ERGIC1: variants seen among roughly 807,000 people sequenced by gnomAD.
ERGIC1 encodes the protein endoplasmic reticulum-Golgi intermediate compartment protein 1.
A neutral mutation model predicts 38.3 loss-of-function variants in ERGIC1; 19 were observed. The ratio of observed to expected loss-of-function variants is 0.50; its 90% CI spans 0.35 to 0.73. ERGIC1 has a LOEUF of 0.73. ERGIC1 is among the 30% of genes least tolerant of loss of function. ERGIC1 has a pLI of 0.01. For synonymous variants in ERGIC1, 124 were observed against 157.6 expected (o/e 0.79, Z 1.60); for missense variants, 294 against 389.2 (o/e 0.76, Z 2.06).
At position 172,926,600 on chromosome 5, in the gene ERGIC1, C is replaced by T; in HGVS notation, c.541+31C>T. 1.2e-6 allele frequency: 2 copies of T among 1,608,214 alleles called. No homozygotes were observed. The highest frequency in any genetic ancestry group is 2.2e-5 in the South Asian group (2 of 91,038). Reference sequence around the variant, plus strand: ...TATCCCTGCTGGGAACAGCCTTCTGCTCCAAGATGCCCAGTACAGCAGGCA... The same window carrying T: ...TATCCCTGCTGGGAACAGCCTTCTGTTCCAAGATGCCCAGTACAGCAGGCA... On this transcript the variant is annotated intron_variant, in intron 7 of 9. Transcript: ENST00000393784. This position sits in a 1 kb window ranked among gnomAD's most constrained non-coding sequence, Gnocchi z 5.2.
At chr5:172,864,841 G>A (rs538607785) in intron 1 of ERGIC1, among the ~76,000 whole-genome samples, 34 of 151,798 alleles carry the variant, frequency 2.2e-4, no homozygotes, top group Non-Finnish European at 3.8e-4. Flanking sequence ...AGGCCACTGA[G>A]TCTCAGAGAG....
intron 1 of ERGIC1, among the ~76,000 whole-genome samples, chr5:172,850,805 A>G (rs946146723): frequency 3.3e-5 from 5 of 152,202 alleles, no homozygotes; most frequent in Non-Finnish European, 7.3e-5. Flanking sequence ...TGGTGGCATC[A>G]GAGGTTGAGT....
At chr5:172,855,793 G>A (rs1761535079) in intron 1 of ERGIC1, among the ~76,000 whole-genome samples, 2 of 152,196 alleles carry the variant, frequency 1.3e-5, no homozygotes, top group Non-Finnish European at 2.9e-5. Flanking sequence ...GCATAGAGAG[G>A]CCACGCCTTG....
intron 1 of ERGIC1, among the ~76,000 whole-genome samples, chr5:172,847,501 A>G (rs978949877): frequency 6.6e-6 from 1 of 151,902 alleles, no homozygotes. Flanking sequence ...AGCATGTGAT[A>G]TATATATATA....
chr5:172,876,127 C>T (rs1031627890), intron 1 of ERGIC1, among the ~76,000 whole-genome samples: 2 of 152,028 alleles, frequency 1.3e-5, no homozygotes, highest in Admixed American at 6.5e-5. Context: ...TGGATCACTG[C>T]GTTCAGGCAG....
At chr5:172,847,640 A>G (rs1031492519) in intron 1 of ERGIC1, among the ~76,000 whole-genome samples, 2 of 151,946 alleles carry the variant, frequency 1.3e-5, no homozygotes, top group Non-Finnish European at 2.9e-5. Flanking sequence ...CAGCCTCCCA[A>G]GTTAGCTGGG....
chr5:172,911,798 G>A (rs1333284140), intron 4 of ERGIC1, among the ~76,000 whole-genome samples: 1 of 152,036 alleles, frequency 6.6e-6, no homozygotes, highest in Non-Finnish European at 1.5e-5. Flanking sequence ...ACAACTAATA[G>A]ACTATATTTC....
At chr5:172,917,309 G>A (rs549041806) in intron 5 of ERGIC1, 1 of 152,532 alleles carries the variant, frequency 6.6e-6, no homozygotes, top group Admixed American at 6.5e-5. Context: ...GAAATTGGAA[G>A]TTGGAGGTGT....
chr5:172,924,271 G>A (rs1270053130), intron 6 of ERGIC1, among the ~76,000 whole-genome samples, 162 bp downstream of exon 6: 4 of 152,226 alleles, frequency 2.6e-5, no homozygotes, highest in East Asian at 3.8e-4. Flanking sequence ...GAACAGAACA[G>A]GGAAATGGGT....
chr5:172,873,131 T>G (rs1421181575), intron 1 of ERGIC1, among the ~76,000 whole-genome samples: 1 of 152,276 alleles, frequency 6.6e-6, no homozygotes, highest in Admixed American at 6.5e-5. Flanking sequence ...TTTTATCCGA[T>G]GATGGGCCAC....
chr5:172,890,437 G>A (rs187637890), intron 2 of ERGIC1, among the ~76,000 whole-genome samples: 22 of 152,302 alleles, frequency 1.4e-4, no homozygotes, highest in Admixed American at 1.2e-3. Context: ...AATAAAGTCC[G>A]TAGCCAAGTT....
At chr5:172,856,506 C>G (rs1280141979) in intron 1 of ERGIC1, among the ~76,000 whole-genome samples, 1 of 152,128 alleles carries the variant, frequency 6.6e-6, no homozygotes, top group Non-Finnish European at 1.5e-5. Context: ...GCTCTGCGGC[C>G]TGATGAGAGG....
intron 1 of ERGIC1, among the ~76,000 whole-genome samples, chr5:172,850,991 G>A (rs1466341153): frequency 6.6e-6 from 1 of 152,012 alleles, no homozygotes; most frequent in African/African-American, 2.4e-5. Context: ...CTTGAGGCCA[G>A]GAGTTCGAGA....
chr5:172,949,985 A>G (rs1428196194), intron 9 of ERGIC1, among the ~76,000 whole-genome samples: 1 of 152,208 alleles, frequency 6.6e-6, no homozygotes, highest in Non-Finnish European at 1.5e-5. Context: ...AGGCAGGAGA[A>G]TGCCGTGAAC....
intron 9 of ERGIC1, among the ~76,000 whole-genome samples, chr5:172,946,616 C>T (rs1764126407): frequency 6.6e-6 from 1 of 152,216 alleles, no homozygotes; most frequent in South Asian, 2.1e-4. Context: ...AGACGAGGGA[C>T]AGCCATGACC....
At chr5:172,935,128 C>T (rs1258439871) in intron 8 of ERGIC1, 60 bp from the exon 9 acceptor site, 1 of 1,611,502 alleles carries the variant, frequency 6.2e-7, no homozygotes, top group African/African-American at 1.3e-5. Flanking sequence ...CTCTGCAATC[C>T]AGTCCCCGCC....
intron 1 of ERGIC1, among the ~76,000 whole-genome samples, chr5:172,866,014 T>A (rs1761851780): frequency 6.6e-6 from 1 of 152,248 alleles, no homozygotes; most frequent in Admixed American, 6.5e-5. Context: ...GTATTTATCC[T>A]TCCCATGCAA....
At chr5:172,850,847 C>T (rs1239927218) in intron 1 of ERGIC1, among the ~76,000 whole-genome samples, 1 of 152,136 alleles carries the variant, frequency 6.6e-6, no homozygotes, top group Non-Finnish European at 1.5e-5. Flanking sequence ...TTGGCCCTCA[C>T]ATTTTTAAAA....
intron 1 of ERGIC1, among the ~76,000 whole-genome samples, chr5:172,839,687 A>G (rs1290909940): frequency 6.6e-6 from 1 of 152,230 alleles, no homozygotes; most frequent in Non-Finnish European, 1.5e-5. Context: ...TGAAAAGGCC[A>G]GTATTTCGGG....
Sources: gnomAD v4.1 joint callset for allele counts (sites outside exome capture counted in the v4.1 genomes callset) on GRCh38, gnomAD v4.1.1 for gene constraint, Gnocchi (gnomAD v3.1) non-coding constraint, MANE v1.5 for transcripts, NCBI Gene and HGNC (gene_info 2026-07-23, HGNC 2026-07-21) for gene names.